Variants in PRKCE observed in about 807,000 individuals in gnomAD.
PRKCE encodes protein kinase C epsilon type.
Under a neutral mutation model 85.4 loss-of-function variants are expected in PRKCE, and 16 were observed. That is an observed-to-expected ratio of 0.19 (90% CI 0.13 to 0.28). The LOEUF (loss-of-function observed/expected upper bound fraction) is 0.28. PRKCE is among the 10% of genes least tolerant of loss of function. PRKCE has a pLI of 1.00. For synonymous variants in PRKCE, 388 were observed against 371.5 expected (o/e 1.04, Z -0.51); for missense variants, 573 against 975.2 (o/e 0.59, Z 5.49).
intron 10 of PRKCE, among the ~76,000 whole-genome samples, chr2:46,061,559 A>G (rs1667126545): frequency 6.6e-6 from 1 of 152,192 alleles, no homozygotes; most frequent in South Asian, 2.1e-4. Flanking sequence ...TTTTAGTAAT[A>G]GAATCCTTCC....
In PRKCE at chr2:46,086,212, G is replaced by T. The variant is rs558301002; in HGVS notation, c.1442G>T (p.Arg481Leu). The T allele has an allele frequency of 2.5e-6, 4 of 1,599,484 alleles. No individual in the cohort carries two copies. The East Asian group carries it at 6.7e-5, about 27-fold the overall frequency. ...CATTTTCTTCTCTCCTTTCAGGACCGCCTCTTTTTCGTCATGGAATATGTA... is the reference window on the plus strand; with the variant it reads ...CATTTTCTTCTCTCCTTTCAGGACCTCCTCTTTTTCGTCATGGAATATGTA... ...QLYCCFQTKD[R>L]LFFVMEYVNG... The change falls in exon 11 of 15, where the codon CGC (arginine) becomes CTC (leucine). Residue 481 changes from arginine to leucine, a missense_variant. By Grantham distance (102) the Arg-to-Leu change is moderately radical. Coordinates refer to ENST00000306156, the MANE Select transcript of PRKCE (RefSeq NM_005400.3).
chr2:45,947,944 C>T (rs72802831), intron 2 of PRKCE, among the ~76,000 whole-genome samples: 7,557 of 152,230 alleles, frequency 0.05, 261 homozygotes, highest in East Asian at 0.15. Context: ...TAGAGAACTA[C>T]GTATATGTGA....
At chr2:45,740,887 G>A (rs1333889231) in intron 1 of PRKCE, among the ~76,000 whole-genome samples, 2 of 152,198 alleles carry the variant, frequency 1.3e-5, no homozygotes, top group Admixed American at 6.5e-5. Context: ...TGAAGTTTTA[G>A]TAGCCTTCTG....
At chr2:46,058,393 T>C (rs763801756) in intron 10 of PRKCE, among the ~76,000 whole-genome samples, 3 of 152,212 alleles carry the variant, frequency 2.0e-5, no homozygotes, top group Non-Finnish European at 2.9e-5. Flanking sequence ...AACGTCATGT[T>C]CCCAAAGGAA....
At chr2:46,124,709 C>A (rs3768748) in intron 11 of PRKCE, among the ~76,000 whole-genome samples, 5,703 of 152,276 alleles carry the variant, frequency 0.037, 160 homozygotes, top group East Asian at 0.11. Context: ...TTGTGACAAA[C>A]TACAAACTCT....
chr2:45,897,064 C>T (rs1182674542), intron 2 of PRKCE, among the ~76,000 whole-genome samples: 2 of 152,102 alleles, frequency 1.3e-5, no homozygotes, highest in Admixed American at 1.3e-4. Context: ...GGTGACAGAA[C>T]AAGATCTTAT....
At position 46,138,450 on chromosome 2, in the gene PRKCE, T is replaced by C. The variant is rs532158095; in HGVS notation, c.1593-6643T>C. 4.6e-5 allele frequency among the ~76,000 whole-genome samples: 7 copies of C among 152,252 alleles called. No homozygotes were observed. The highest frequency in any genetic ancestry group is 4.6e-4 in the Admixed American group (7 of 15,292). On this transcript the variant is annotated intron_variant, in intron 11 of 14. Coordinates refer to ENST00000306156, the MANE Select transcript of PRKCE (RefSeq NM_005400.3). The surrounding 1 kb of genome is among the most constrained non-coding windows in gnomAD (Gnocchi z 4.2). ...CAGTTTCCTCATACATTTAAACATG[T>C]GGGTTGAGGATGCCAATTAGCAGGG...
chr2:46,068,644 T>C lies in PRKCE; in HGVS notation c.1438-17564T>C, dbSNP rs1477564070. ...CAGATGTGTAGTTTAAGGATTGCCGTGAATTCAGAAGCAGAAGAATTCTCC... is the reference window on the plus strand; with the variant it reads ...CAGATGTGTAGTTTAAGGATTGCCGCGAATTCAGAAGCAGAAGAATTCTCC... On this transcript the variant is annotated intron_variant, in intron 10 of 14. Coordinates refer to ENST00000306156, the MANE Select transcript of PRKCE (RefSeq NM_005400.3). This position sits in a 1 kb window ranked among gnomAD's most constrained non-coding sequence, Gnocchi z 4.3. Among the ~76,000 whole-genome samples the C allele has an allele frequency of 1.3e-5, 2 of 152,212 alleles. No homozygotes were observed. The highest frequency in any genetic ancestry group is 2.9e-5 in the Non-Finnish European group (2 of 68,040).
chr2:46,128,749 A>G (rs906615864), intron 11 of PRKCE, among the ~76,000 whole-genome samples: 2 of 152,180 alleles, frequency 1.3e-5, no homozygotes, highest in Non-Finnish European at 2.9e-5. Context: ...AAGCCAATGA[A>G]GTGTCATCAC....
intron 11 of PRKCE, among the ~76,000 whole-genome samples, chr2:46,094,066 A>G (rs975749452): frequency 3.3e-5 from 5 of 152,118 alleles, no homozygotes; most frequent in Admixed American, 1.3e-4. Flanking sequence ...ATCTCCTTTT[A>G]GCATGTTTAG....
intron 2 of PRKCE, among the ~76,000 whole-genome samples, chr2:45,954,109 C>T (rs935286668): frequency 2.0e-5 from 3 of 152,192 alleles, no homozygotes; most frequent in Non-Finnish European, 2.9e-5. Context: ...AAACAAATCT[C>T]CTTGGTCCTG....
chr2:46,090,807 T>C (rs1156902597), intron 11 of PRKCE, among the ~76,000 whole-genome samples: 2 of 152,198 alleles, frequency 1.3e-5, no homozygotes, highest in Non-Finnish European at 2.9e-5. Flanking sequence ...TATGTGTTTC[T>C]GCCTGTTTGC....
chr2:45,707,299 A>G (rs1005584509), intron 1 of PRKCE, among the ~76,000 whole-genome samples: 1 of 152,222 alleles, frequency 6.6e-6, no homozygotes, highest in Admixed American at 6.5e-5. Flanking sequence ...CTGCTCATCA[A>G]GAGTGAGTCC....
At chr2:45,720,945 A>G (rs1680569619) in intron 1 of PRKCE, among the ~76,000 whole-genome samples, 1 of 152,086 alleles carries the variant, frequency 6.6e-6, no homozygotes, top group Non-Finnish European at 1.5e-5. Context: ...TGTCTCTACT[A>G]AAAGTACAAA....
At chr2:45,922,425 TG>T (rs1041466732) in intron 2 of PRKCE, among the ~76,000 whole-genome samples, 1 of 151,990 alleles carries the variant, frequency 6.6e-6, no homozygotes, top group African/African-American at 2.4e-5. Flanking sequence ...CATCTAGAGT[TG>T]GGGGACACAG....
At chr2:45,861,371 A>G (rs991665483) in intron 2 of PRKCE, among the ~76,000 whole-genome samples, 2 of 152,218 alleles carry the variant, frequency 1.3e-5, no homozygotes, top group African/African-American at 2.4e-5. Context: ...CTTACGATAT[A>G]TAATAGATTG....
At position 46,184,640 on chromosome 2, in the gene PRKCE, G is replaced by A; in HGVS notation, c.2068-95G>A. The A allele has an allele frequency of 6.8e-7, 1 of 1,466,408 alleles. No individual in the cohort carries two copies. Among genetic ancestry groups the A allele is most frequent in the South Asian group, 1.3e-5 (1 of 76,464 alleles). 90.8% of individuals were successfully genotyped at this position (1,466,408 alleles called of 1,614,324 possible). ...CTGTTGGTAGCTAGAGGCCTGCTTT[G>A]GTGACAGGCTGGTCAGTGCGGTGCC... On this transcript the variant is annotated intron_variant, in intron 14 of 14. Transcript: ENST00000306156. The surrounding 1 kb of genome is among the most constrained non-coding windows in gnomAD (Gnocchi z 5.0).
chr2:46,108,498 G>A (rs879462155), intron 11 of PRKCE, among the ~76,000 whole-genome samples: 7 of 152,148 alleles, frequency 4.6e-5, no homozygotes, highest in Non-Finnish European at 7.3e-5. Flanking sequence ...GATGGACAGT[G>A]GAGACTCAGA....
At chr2:46,054,944 G>A (rs1251946399) in intron 10 of PRKCE, among the ~76,000 whole-genome samples, 1 of 152,112 alleles carries the variant, frequency 6.6e-6, no homozygotes, top group Non-Finnish European at 1.5e-5. Flanking sequence ...AAGGAGTCTG[G>A]CCATCCCGGG....
Sources: allele counts gnomAD v4.1 joint callset (sites outside exome capture counted in the v4.1 genomes callset), GRCh38; gene constraint gnomAD v4.1.1; non-coding constraint Gnocchi (gnomAD v3.1); transcripts MANE v1.5; gene names NCBI Gene and HGNC (gene_info 2026-07-23, HGNC 2026-07-21).